HTR4: variants seen among roughly 807,000 people sequenced by gnomAD.
The protein encoded by HTR4 is 5-hydroxytryptamine (serotonin) receptor 4, G protein-coupled.
In HTR4, 16 loss-of-function variants were observed where a neutral mutation model predicts 36.8. The ratio of observed to expected loss-of-function variants is 0.43; its 90% confidence interval spans 0.29 to 0.66. The LOEUF is 0.66. Ranked by LOEUF, HTR4 falls within the 30% of genes least tolerant of loss-of-function variation. HTR4 has a pLI of 0.13. For missense variants in HTR4, 438 were observed against 490.9 expected (o/e 0.89, Z 1.02); for synonymous variants, 189 against 185.1 (o/e 1.02, Z -0.17).
At chr5:148,602,265 G>A (rs1412852224) in intron 2 of HTR4, among the ~76,000 whole-genome samples, 7 of 152,040 alleles carry the variant, frequency 4.6e-5, no homozygotes, top group Admixed American at 1.3e-4. Context: ...TCAAGTTATG[G>A]ACCATAAACA....
chr5:148,638,814 G>T (rs189396992), intron 1 of HTR4, among the ~76,000 whole-genome samples: 324 of 152,186 alleles, frequency 2.1e-3, no homozygotes, highest in South Asian at 0.013. Context: ...CAACACTTTG[G>T]GGGGCCTAGG....
At chr5:148,586,292 T>C (rs1370994483) in intron 2 of HTR4, among the ~76,000 whole-genome samples, 1 of 152,004 alleles carries the variant, frequency 6.6e-6, no homozygotes, top group Non-Finnish European at 1.5e-5. Flanking sequence ...ACAATCTTTG[T>C]CTGATAAATA....
chr5:148,636,728 A>G (rs1178446693), intron 2 of HTR4, among the ~76,000 whole-genome samples: 2 of 152,204 alleles, frequency 1.3e-5, no homozygotes, highest in Non-Finnish European at 2.9e-5. Flanking sequence ...AGAGATGAAT[A>G]TCTATTTTCA....
chr5:148,506,899 A>T (rs1043094026), intron 6 of HTR4, among the ~76,000 whole-genome samples: 2 of 152,188 alleles, frequency 1.3e-5, no homozygotes, highest in Admixed American at 1.3e-4. Flanking sequence ...GATGTGGAGA[A>T]ATAGGAACAC....
At chr5:148,500,588 G>C (rs562003738) in intron 6 of HTR4, among the ~76,000 whole-genome samples, 3 of 151,798 alleles carry the variant, frequency 2.0e-5, no homozygotes, top group African/African-American at 7.2e-5. Context: ...GCAGGAGATG[G>C]GGAGGTGTAT....
chr5:148,455,097 TA>T (rs1755068057), intron 5 of HTR4, among the ~76,000 whole-genome samples: 1 of 152,222 alleles, frequency 6.6e-6, no homozygotes, highest in East Asian at 1.9e-4. Flanking sequence ...GGAAGTTACA[TA>T]CCTTATTTCA....
chr5:148,546,999 A>G (rs1261986112), intron 4 of HTR4, among the ~76,000 whole-genome samples: 1 of 152,198 alleles, frequency 6.6e-6, no homozygotes, highest in Non-Finnish European at 1.5e-5. Flanking sequence ...TACCAGAGTC[A>G]TTATCTCTAG....
intron 6 of HTR4, among the ~76,000 whole-genome samples, chr5:148,495,958 C>T (rs574457400): frequency 3.2e-4 from 49 of 151,930 alleles, no homozygotes; most frequent in African/African-American, 9.7e-4. Context: ...AAAAATTAGC[C>T]GGGTTTGGTG....
At chr5:148,641,693 G>A (rs766104372) in intron 1 of HTR4, among the ~76,000 whole-genome samples, 1 of 152,184 alleles carries the variant, frequency 6.6e-6, no homozygotes, top group Non-Finnish European at 1.5e-5. Context: ...AGACTAGGAG[G>A]AGGAAGAGCT....
intron 4 of HTR4, among the ~76,000 whole-genome samples, chr5:148,544,132 A>G (rs556686725): frequency 6.6e-6 from 1 of 151,234 alleles, no homozygotes; most frequent in South Asian, 2.3e-4. Context: ...CCCAACCCCA[A>G]TTTAACTGAC....
intron 2 of HTR4, among the ~76,000 whole-genome samples, chr5:148,598,718 A>C (rs1761877139): frequency 1.3e-5 from 2 of 152,190 alleles, no homozygotes; most frequent in Admixed American, 6.5e-5. Flanking sequence ...CTGACCAAAT[A>C]ATCTTCTACT....
chr5:148,600,178 G>C (rs1336123381), intron 2 of HTR4, among the ~76,000 whole-genome samples: 1 of 150,122 alleles, frequency 6.7e-6, no homozygotes, highest in African/African-American at 2.4e-5. Flanking sequence ...AGAAAGCATT[G>C]TTAACTGGGT....
At position 148,483,128 on chromosome 5, in the gene HTR4, C is replaced by A. The variant is rs1372808149; in HGVS notation, c.*75G>T. 12 of 1,603,366 alleles carry A rather than the reference C, an allele frequency of 7.5e-6. No homozygotes were observed. The highest frequency in any genetic ancestry group is 1.0e-5 in the Non-Finnish European group (12 of 1,173,854). On this transcript the variant is annotated 3_prime_UTR_variant, in exon 7 of 7. Transcript: ENST00000377888. ...AGGTGAAGAGAATACCGGGTGCAGT[C>A]GCGCACAAGCAGCAGCTTAGGACCT...
In HTR4 at chr5:148,496,060, A is replaced by G. The variant is rs191599158; in HGVS notation, c.1077-12767T>C. Reference sequence around the variant, plus strand: ...GGTTGCAGTAAGCCGAAATCGCGCCACTGCACTCCAGCCTGGGTGACAGTG... The same window carrying G: ...GGTTGCAGTAAGCCGAAATCGCGCCGCTGCACTCCAGCCTGGGTGACAGTG... On this transcript the variant is annotated intron_variant, in intron 6 of 6. Transcript: ENST00000377888. Among the ~76,000 whole-genome samples the G allele has an allele frequency of 3.9e-3, 592 of 152,310 alleles. 3 individuals are homozygous for G. The highest frequency in any genetic ancestry group is 6.5e-3 in the Non-Finnish European group (440 of 68,042).
chr5:148,577,366 G>C (rs773357723), intron 2 of HTR4, among the ~76,000 whole-genome samples: 1 of 152,128 alleles, frequency 6.6e-6, no homozygotes, highest in Non-Finnish European at 1.5e-5. Flanking sequence ...TGCACTGTTG[G>C]TGGGAGTGTA....
At chr5:148,523,096 AT>A in intron 5 of HTR4, 96 bp downstream of exon 5, 1 of 1,185,546 alleles carries the variant, frequency 8.4e-7, no homozygotes, top group East Asian at 2.7e-5. Context: ...CCACTATCAG[AT>A]TCTTAGAATA....
chr5:148,454,772 T>G (rs1430150044), intron 5 of HTR4, among the ~76,000 whole-genome samples: 1 of 152,172 alleles, frequency 6.6e-6, no homozygotes, highest in Non-Finnish European at 1.5e-5. Context: ...AGGCGAGAAG[T>G]GAGGCTCATA....
intron 2 of HTR4, among the ~76,000 whole-genome samples, chr5:148,628,110 C>T (rs1161464582): frequency 6.6e-6 from 1 of 152,144 alleles, no homozygotes; most frequent in East Asian, 1.9e-4. Flanking sequence ...TTTTAAAACC[C>T]TGGACAGGCC....
chr5:148,459,420 T>C (rs1344956053), intron 5 of HTR4, among the ~76,000 whole-genome samples: 6 of 152,122 alleles, frequency 3.9e-5, no homozygotes, highest in Non-Finnish European at 5.9e-5. Context: ...AGGAGAAATA[T>C]GTAGCAAGCC....
Sources: gnomAD v4.1 joint callset for allele counts (sites outside exome capture counted in the v4.1 genomes callset) on GRCh38, gnomAD v4.1.1 for gene constraint, MANE v1.5 for transcripts, NCBI Gene and HGNC (gene_info 2026-07-23, HGNC 2026-07-21) for gene names.